The following MCCC1 variants were observed in gnomAD, a reference collection of about 807,000 sequenced individuals.
The protein encoded by MCCC1 is methylcrotonyl-CoA carboxylase subunit 1.
MCCC1 carries 64 observed loss-of-function variants against 83.8 expected under a neutral mutation model. That is an observed-to-expected ratio of 0.76 (90% CI 0.62 to 0.94). The LOEUF is 0.94. MCCC1 is among the 40% of genes least tolerant of loss of function. The pLI is 0.00. For synonymous variants in MCCC1, 322 were observed against 315.4 expected (o/e 1.02, Z -0.22); for missense variants, 807 against 904.7 (o/e 0.89, Z 1.39).
At chr3:183,042,231 T>C (rs1391645609) in intron 10 of MCCC1, among the ~76,000 whole-genome samples, 1 of 152,222 alleles carries the variant, frequency 6.6e-6, no homozygotes, top group African/African-American at 2.4e-5. Flanking sequence ...AAGTGGGTGA[T>C]AAAGCAAAAC....
At chr3:183,022,607 T>C in intron 15 of MCCC1, 53 bp from the exon 16 acceptor site, 1 of 1,432,762 alleles carries the variant, frequency 7.0e-7, no homozygotes, top group South Asian at 1.2e-5. Context: ...CACTACAGAA[T>C]TAATAAGATC....
intron 1 of MCCC1, among the ~76,000 whole-genome samples, chr3:183,106,228 C>T (rs956490447): frequency 2.0e-5 from 3 of 152,104 alleles, no homozygotes; most frequent in African/African-American, 7.2e-5. Flanking sequence ...ATCTTTGTAG[C>T]CAAGGATAAT....
chr3:183,034,389 T>G (rs1264336010), intron 13 of MCCC1, among the ~76,000 whole-genome samples: 1 of 143,632 alleles, frequency 7.0e-6, no homozygotes, highest in African/African-American at 2.6e-5. Context: ...AGGTGGAGCT[T>G]GCAGTGAGCC....
chr3:183,114,267 A>T (rs946114169), intron 1 of MCCC1, among the ~76,000 whole-genome samples: 1 of 152,112 alleles, frequency 6.6e-6, no homozygotes, highest in African/African-American at 2.4e-5. Flanking sequence ...TTGACTACTT[A>T]ACTTCTGTAA....
chr3:183,080,821 C>T (rs979011616), intron 4 of MCCC1, among the ~76,000 whole-genome samples: 4 of 152,184 alleles, frequency 2.6e-5, no homozygotes, highest in African/African-American at 9.7e-5. Context: ...CAAGTCACAA[C>T]TTACATGGAT....
chr3:183,056,762 C>T (rs554974221), intron 8 of MCCC1, among the ~76,000 whole-genome samples: 17 of 152,242 alleles, frequency 1.1e-4, no homozygotes, highest in South Asian at 4.1e-4. Flanking sequence ...GGCGTGATCT[C>T]GGCTCACTGC....
chr3:183,025,522 T>G (rs1712522759), intron 15 of MCCC1, among the ~76,000 whole-genome samples: 1 of 152,218 alleles, frequency 6.6e-6, no homozygotes, highest in Non-Finnish European at 1.5e-5. Context: ...TTTTACTTTT[T>G]GCCAAGTTTT....
chr3:183,038,671 TCTG>T (rs1457840787), intron 12 of MCCC1, among the ~76,000 whole-genome samples: 1 of 152,206 alleles, frequency 6.6e-6, no homozygotes, highest in Non-Finnish European at 1.5e-5. Flanking sequence ...CAGGAAAACA[TCTG>T]CTTTTATTTC....
chr3:183,105,342 C>T (rs1577383744), intron 1 of MCCC1, among the ~76,000 whole-genome samples: 1 of 151,730 alleles, frequency 6.6e-6, no homozygotes, highest in East Asian at 1.9e-4. Context: ...AAAACTCTGT[C>T]TCAAAATAAA....
chr3:183,069,217 A>G (rs1051575537), intron 7 of MCCC1, among the ~76,000 whole-genome samples: 1 of 152,230 alleles, frequency 6.6e-6, no homozygotes, highest in African/African-American at 2.4e-5. Flanking sequence ...TTTGATTCCC[A>G]GGGGCTTTCC....
intron 7 of MCCC1, among the ~76,000 whole-genome samples, chr3:183,070,759 T>C (rs1022107891): frequency 6.6e-6 from 1 of 151,982 alleles, no homozygotes; most frequent in African/African-American, 2.4e-5. Flanking sequence ...TTCTATTCAC[T>C]GTTCTTAGGT....
At chr3:183,103,839 G>A (rs548729135), upstream of MCCC1, among the ~76,000 whole-genome samples, 210 of 152,330 alleles carry the variant, frequency 1.4e-3, no homozygotes, top group Non-Finnish European at 1.3e-3. Context: ...AAGAGCCCAC[G>A]GAGCGGGGGG....
At chr3:183,066,313 T>C (rs1195565944) in intron 7 of MCCC1, among the ~76,000 whole-genome samples, 2 of 152,286 alleles carry the variant, frequency 1.3e-5, no homozygotes, top group African/African-American at 4.8e-5. Flanking sequence ...ATTATTATTA[T>C]TATTACTTTG....
At chr3:183,067,878 C>T (rs1716368664) in intron 7 of MCCC1, among the ~76,000 whole-genome samples, 1 of 152,078 alleles carries the variant, frequency 6.6e-6, no homozygotes, top group Non-Finnish European at 1.5e-5. Context: ...GATAAGCTTA[C>T]CAAATTTTTT....
intron 9 of MCCC1, among the ~76,000 whole-genome samples, chr3:183,048,323 C>A (rs1714705623): frequency 6.6e-6 from 1 of 151,568 alleles, no homozygotes; most frequent in African/African-American, 2.4e-5. Context: ...CTAAATATAC[C>A]AATTAAAAGA....
intron 4 of MCCC1, among the ~76,000 whole-genome samples, chr3:183,075,432 T>C (rs1380727483): frequency 1.3e-5 from 2 of 152,174 alleles, no homozygotes; most frequent in African/African-American, 2.4e-5. Context: ...TGGTGTCTCA[T>C]TGTGGTTTTG....
intron 8 of MCCC1, among the ~76,000 whole-genome samples, chr3:183,053,929 G>C (rs552024362): frequency 6.9e-6 from 1 of 145,056 alleles, no homozygotes; most frequent in African/African-American, 2.5e-5. Flanking sequence ...CCAGGCTGGA[G>C]TGCAGTGGTA....
chr3:183,062,519 T>C (rs1268111795), intron 7 of MCCC1, among the ~76,000 whole-genome samples: 2 of 152,016 alleles, frequency 1.3e-5, no homozygotes. Flanking sequence ...CATGCCTGGC[T>C]AATTTTTTGT....
At chr3:183,045,383 G>A (rs757336378) in intron 10 of MCCC1, 30 bp downstream of exon 10, 3 of 1,612,394 alleles carry the variant, frequency 1.9e-6, no homozygotes, top group Admixed American at 3.3e-5. Flanking sequence ...CCCAGCCAAG[G>A]CTGATTTTTA....
Sources: gnomAD v4.1 joint callset for allele counts (sites outside exome capture counted in the v4.1 genomes callset) on GRCh38, gnomAD v4.1.1 for gene constraint, MANE v1.5 for transcripts, NCBI Gene and HGNC (gene_info 2026-07-23, HGNC 2026-07-21) for gene names.